Variants in NLRP3 observed in about 807,000 individuals in gnomAD.
The protein encoded by NLRP3 is NLR family pyrin domain containing 3, also known as NACHT, LRR and PYD domains-containing protein 3.
A neutral mutation model predicts 91.3 loss-of-function variants in NLRP3; 48 were observed. That is an observed-to-expected ratio of 0.53 (90% CI 0.42 to 0.67). The LOEUF (loss-of-function observed/expected upper bound fraction) is 0.67, where lower values mean the gene tolerates loss of function less well. Ranked by LOEUF, NLRP3 falls within the 30% of genes least tolerant of loss-of-function variation. The pLI is 0.00. For missense variants in NLRP3, 982 were observed against 1,276.9 expected, an observed-to-expected ratio of 0.77 and a Z score of 3.52; for synonymous variants, 561 against 507.9, an observed-to-expected ratio of 1.10 and a Z score of -1.41.
Position 247,424,011 on chromosome 1 carries a change from A to G in NLRP3, c.562A>G (p.Ile188Val). The G allele has an allele frequency of 1.9e-6, 3 of 1,614,036 alleles. No individual in the cohort carries two copies. Among genetic ancestry groups the G allele is most frequent in the South Asian group, 1.1e-5 (1 of 91,056 alleles). The change falls in exon 4 of 10, where the codon ATC (isoleucine) becomes GTC (valine). Residue 188 changes from isoleucine (I) to valine (V), a missense_variant. By Grantham distance (29) the Ile-to-Val change is conservative (BLOSUM62 3). Transcript: ENST00000336119. This position sits in a 1 kb window ranked among gnomAD's most constrained non-coding sequence, Gnocchi z 8.1. ...QQEREQELLA[I>V]GKTKTCESPV... ...GGAGAGGGAGCAGGAGCTTCTGGCC[A>G]TCGGCAAGACCAAGACGTGTGAGAG...
chr1:247,432,162 CG>C (rs1288472909), intron 5 of NLRP3, among the ~76,000 whole-genome samples: 1 of 152,170 alleles, frequency 6.6e-6, no homozygotes, highest in African/African-American at 2.4e-5. Flanking sequence ...GGATTACAGG[CG>C]TGAGCCACCG....
intron 5 of NLRP3, among the ~76,000 whole-genome samples, chr1:247,432,082 A>C (rs944273218): frequency 6.6e-6 from 1 of 152,076 alleles, no homozygotes; most frequent in African/African-American, 2.4e-5. Context: ...ACAAGGTTTC[A>C]CCGTATTGGC....
chr1:247,446,338 C>T (rs575324033), intron 9 of NLRP3, among the ~76,000 whole-genome samples: 9 of 152,328 alleles, frequency 5.9e-5, no homozygotes, highest in Middle Eastern at 3.4e-3. Flanking sequence ...TCAGCTAAAA[C>T]GTAACTCGCA....
In NLRP3 at chr1:247,424,723, A is replaced by C. The variant is rs1200248311; in HGVS notation, c.1274A>C (p.Glu425Ala). The C allele has an allele frequency of 1.2e-6, 2 of 1,614,080 alleles. No homozygotes were observed. Among genetic ancestry groups the C allele is most frequent in the East Asian group, 4.5e-5 (2 of 44,878 alleles). ...IVCTGLKQQM[E>A]SGKSLAQTSK... ...TGCACTGGACTGAAACAGCAGATGG[A>C]GAGTGGCAAGAGCCTTGCCCAGACA... The change falls in exon 4 of 10, where the codon GAG becomes GCG. Residue 425 changes from glutamate (E) to alanine (A), a missense_variant. Transcript: ENST00000336119. The surrounding 1 kb of genome is among the most constrained non-coding windows in gnomAD (Gnocchi z 8.1).
rs199530514 is a variant in NLRP3, at chr1:247,425,260, T to A, written c.1811T>A (p.Leu604Gln). The change falls in exon 4 of 10, where the codon CTG (leucine) becomes CAG (glutamine). Residue 604 changes from leucine to glutamine, a missense_variant. This residue lies in a region of NLRP3 where 32 missense variants were observed against 60.3 expected (regional missense o/e 0.53). Coordinates refer to ENST00000336119, the MANE Select transcript of NLRP3 (RefSeq NM_001243133.2). The surrounding 1 kb of genome is among the most constrained non-coding windows in gnomAD (Gnocchi z 4.1). ...LSCKISQQIR[L>Q]ELLKWIEVKA... is the part of the protein sequence containing the mutation. The stretch of plus-strand genomic sequence containing the variant: ...TGCAAGATCTCTCAGCAAATCAGGC[T>A]GGAGCTGCTGAAATGGATTGAAGTG... The A allele has an allele frequency of 7.4e-6, 12 of 1,614,232 alleles. No homozygotes were observed. Among genetic ancestry groups the A allele is most frequent in the Admixed American group, 3.3e-5 (2 of 60,028 alleles).
At chr1:247,438,388 T>TG (rs1475533651) in intron 7 of NLRP3, among the ~76,000 whole-genome samples, 11 of 142,194 alleles carry the variant, frequency 7.7e-5, no homozygotes, top group African/African-American at 2.6e-4. Context: ...GTTTTTTTTT[T>TG]TTTTTTTTTT....
In NLRP3 at chr1:247,425,089, G is replaced by T. The variant is rs1322407305; in HGVS notation, c.1640G>T (p.Ser547Ile). 2 of 1,614,172 alleles carry T rather than the reference G, an allele frequency of 1.2e-6. No individual in the cohort carries two copies. Among genetic ancestry groups the T allele is most frequent in the Admixed American group, 3.3e-5 (2 of 60,016 alleles). ...EKEGRTNVPG[S>I]RLKLPSRDVT... ...GAAGGAAGGACGAACGTTCCAGGGA[G>T]TCGTTTGAAGCTTCCCAGCCGAGAC... The change falls in exon 4 of 10, where the codon AGT becomes ATT. Residue 547 changes from serine to isoleucine, a missense_variant. Coordinates refer to ENST00000336119, the MANE Select transcript of NLRP3 (RefSeq NM_001243133.2). This position sits in a 1 kb window ranked among gnomAD's most constrained non-coding sequence, Gnocchi z 4.1.
intron 6 of NLRP3, among the ~76,000 whole-genome samples, chr1:247,434,548 T>G (rs1663648662): frequency 6.6e-6 from 1 of 152,112 alleles, no homozygotes; most frequent in Non-Finnish European, 1.5e-5. Context: ...AAAGAAAAAA[T>G]CAGTGTAATG....
chr1:247,424,824 G>T lies in NLRP3; in HGVS notation c.1375G>T (p.Gly459Cys). The stretch of plus-strand genomic sequence containing the variant: ...GCCCCGGGGAGGGAGCCAGGAGCAC[G>T]GCCTCTGCGCCCACCTCTGGGGGCT... ...LQPRGGSQEH[G>C]LCAHLWGLCS... Residue 459 changes from glycine to cysteine, a missense_variant, in exon 4 of 10, where the codon GGC (glycine) becomes TGC (cysteine). Physicochemically the swap from Gly to Cys is radical, Grantham distance 159. This residue lies in a region of NLRP3 where 548 missense variants were observed against 713.7 expected (regional missense o/e 0.77). Transcript: ENST00000336119. The surrounding 1 kb of genome is among the most constrained non-coding windows in gnomAD (Gnocchi z 8.1). 1.2e-6 allele frequency: 2 copies of T among 1,608,050 alleles called. No individual in the cohort carries two copies.
intron 7 of NLRP3, among the ~76,000 whole-genome samples, chr1:247,441,753 A>G (rs188333578): frequency 2.2e-4 from 33 of 152,312 alleles, no homozygotes; most frequent in Non-Finnish European, 4.4e-4. Flanking sequence ...TTATGTGTTC[A>G]GTGTAACCGT....
At chr1:247,439,065 C>T (rs944428078) in intron 7 of NLRP3, among the ~76,000 whole-genome samples, 1 of 130,590 alleles carries the variant, frequency 7.7e-6, no homozygotes, top group Non-Finnish European at 1.6e-5. Flanking sequence ...TCCATCAATC[C>T]ATCCAAGGGA....
rs78648901 is a variant in NLRP3, at chr1:247,433,937, G to A, written c.2322-166G>A. ...CTCTATTCCGGAGCTCTCTGGTCAGGTGTGTTCTGATGCTTTCTGTATTCC... is the reference window on the plus strand; with the variant it reads ...CTCTATTCCGGAGCTCTCTGGTCAGATGTGTTCTGATGCTTTCTGTATTCC... On this transcript the variant is annotated intron_variant, in intron 5 of 9. Coordinates refer to ENST00000336119, the MANE Select transcript of NLRP3 (RefSeq NM_001243133.2). 0.032 allele frequency among the ~76,000 whole-genome samples: 1,275 copies of A among 40,450 alleles called. 11 individuals are homozygous for A. Among genetic ancestry groups the A allele is most frequent in the Non-Finnish European group, 0.045 (862 of 18,992 alleles). The allele number at this position is 40,450 out of a possible 152,430, so 26.5% of individuals were successfully genotyped here.
At position 247,424,385 on chromosome 1, in the gene NLRP3, C is replaced by T. The variant is rs1662704742; in HGVS notation, c.936C>T (p.His312=). 2 of 1,613,962 alleles carry T rather than the reference C, an allele frequency of 1.2e-6. No homozygotes were observed. The highest frequency in any genetic ancestry group is 1.7e-5 in the Admixed American group (1 of 59,998). The change falls in exon 4 of 10, where the codon CAC becomes CAT. Residue 312 remains histidine, a synonymous_variant. Transcript: ENST00000336119. The surrounding 1 kb of genome is among the most constrained non-coding windows in gnomAD (Gnocchi z 8.1). The part of the protein sequence containing the change: ...FDELQGAFDE[H]IGPLCTDWQK... ...AGCTGCAAGGTGCCTTTGACGAGCA[C>T]ATAGGACCGCTCTGCACTGACTGGC...
intron 5 of NLRP3, among the ~76,000 whole-genome samples, chr1:247,431,257 C>T (rs1663302118): frequency 6.6e-6 from 1 of 152,018 alleles, no homozygotes; most frequent in South Asian, 2.1e-4. Context: ...ATTCACACGC[C>T]CCACCGCGCT....
chr1:247,448,573 G>C lies in NLRP3; in HGVS notation c.*69G>C. The stretch of plus-strand genomic sequence containing the variant: ...CCAGCTGGGGGCCCTCAGGTGGAGA[G>C]AGCTGCGATCCATCCAGGCCAAGAC... On this transcript the variant is annotated 3_prime_UTR_variant, in exon 10 of 10. Transcript: ENST00000336119. 1.1e-6 allele frequency: 1 copy of C among 923,772 alleles called. No homozygotes were observed. Among genetic ancestry groups the C allele is most frequent in the Non-Finnish European group, 1.8e-6 (1 of 550,626 alleles). The allele number at this position is 923,772 out of a possible 1,614,324, so 57.2% of individuals were successfully genotyped here.
chr1:247,417,224 C>G (rs1662122881), intron 1 of NLRP3, among the ~76,000 whole-genome samples: 1 of 152,140 alleles, frequency 6.6e-6, no homozygotes, highest in South Asian at 2.1e-4. Context: ...TATCTCTGGT[C>G]AAAATCCTGG....
Position 247,418,778 on chromosome 1 carries a change from C to T in NLRP3, c.-23C>T, listed in dbSNP as rs866137462. 1.9e-6 allele frequency: 3 copies of T among 1,612,940 alleles called. No individual in the cohort carries two copies. The highest frequency in any genetic ancestry group is 2.5e-6 in the Non-Finnish European group (3 of 1,179,980). ...TTAGTGTGGACCGAAGCCTAAGGAC[C>T]CTGAAAACAGCTGCAGATGAAGATG... On this transcript the variant is annotated 5_prime_UTR_variant, in exon 2 of 10. Coordinates refer to ENST00000336119, the MANE Select transcript of NLRP3 (RefSeq NM_001243133.2).
intron 5 of NLRP3, among the ~76,000 whole-genome samples, chr1:247,431,108 C>T (rs1407668979): frequency 2.6e-5 from 4 of 151,962 alleles, no homozygotes; most frequent in African/African-American, 7.3e-5. Context: ...TGTGTGTACC[C>T]GGGAGGCGGA....
chr1:247,442,766 TAATC>T (rs1664319051), intron 7 of NLRP3, among the ~76,000 whole-genome samples: 1 of 152,174 alleles, frequency 6.6e-6, no homozygotes, highest in South Asian at 2.1e-4. Flanking sequence ...GTTGATATAA[TAATC>T]AAATAAGACT....
Sources: gnomAD v4.1 joint callset for allele counts (sites outside exome capture counted in the v4.1 genomes callset) on GRCh38, gnomAD v4.1.1 for gene constraint, gnomAD v4.1.1 regional missense constraint, Gnocchi (gnomAD v3.1) non-coding constraint, MANE v1.5 for transcripts, NCBI Gene and HGNC (gene_info 2026-07-23, HGNC 2026-07-21) for gene names.